NAV2: variants seen among roughly 807,000 people sequenced by gnomAD.
NAV2 encodes the protein neuron navigator 2.
In NAV2, 54 loss-of-function variants were observed where a neutral mutation model predicts 223.2. The observed-to-expected ratio is 0.24, with a 90% CI of 0.19 to 0.30. The LOEUF (loss-of-function observed/expected upper bound fraction) is 0.30, where lower values mean the gene tolerates loss of function less well. Ranked by LOEUF, NAV2 falls within the 10% of genes least tolerant of loss-of-function variation. The pLI is 1.00. For synonymous variants in NAV2, 1,279 were observed against 1,239.3 expected (o/e 1.03, Z -0.67); for missense variants, 2,806 against 3,147.5 (o/e 0.89, Z 2.60).
rs190919523 is a variant in NAV2, at chr11:19,527,189, A to G, written c.75+176162A>G. On this transcript the variant is annotated intron_variant, in intron 1 of 37. Coordinates refer to the NAV2 transcript ENST00000360655. ...CTGAATCATGAGGGCAGTTTCCCCC[A>G]TACTGTTCTCATGGTAATGAATAAG... 5.0e-4 allele frequency among the ~76,000 whole-genome samples: 76 copies of G among 152,192 alleles called. 1 individual carries two copies. The highest frequency in any genetic ancestry group is 9.2e-4 in the Admixed American group (14 of 15,300).
intron 1 of NAV2, among the ~76,000 whole-genome samples, chr11:19,508,830 T>A (rs1364426781): frequency 6.6e-6 from 1 of 152,180 alleles, no homozygotes; most frequent in African/African-American, 2.4e-5. Flanking sequence ...AAGTAAAACC[T>A]CCGAAATCTC....
chr11:19,463,863 T>G (rs2632041), intron 1 of NAV2, among the ~76,000 whole-genome samples: 1 of 151,268 alleles, frequency 6.6e-6, no homozygotes, highest in South Asian at 2.1e-4. Context: ...AGGGAAGGGC[T>G]GGGCTGGGGG....
At chr11:19,623,170 T>C (rs1431981160) in intron 1 of NAV2, among the ~76,000 whole-genome samples, 6 of 152,216 alleles carry the variant, frequency 3.9e-5, no homozygotes, top group African/African-American at 1.4e-4. Flanking sequence ...GTGGGCAATC[T>C]GACCTTTCTT....
intron 1 of NAV2, among the ~76,000 whole-genome samples, chr11:19,549,453 C>T (rs200273985): frequency 6.6e-6 from 1 of 152,178 alleles, no homozygotes; most frequent in East Asian, 1.9e-4. Context: ...CAAGTATCCT[C>T]AGGAGCTTGA....
intron 1 of NAV2, among the ~76,000 whole-genome samples, chr11:19,643,291 T>A (rs1470892633): frequency 6.6e-6 from 1 of 151,578 alleles, no homozygotes; most frequent in African/African-American, 2.4e-5. Context: ...ATTAGACATA[T>A]CTCCTAATGC....
intron 1 of NAV2, among the ~76,000 whole-genome samples, chr11:19,814,248 G>C (rs1012961365): frequency 2.0e-5 from 3 of 152,166 alleles, no homozygotes; most frequent in African/African-American, 7.2e-5. Context: ...GCCTCAGCAG[G>C]TGCAAAAGAG....
At chr11:19,657,011 C>T (rs1196836719) in intron 1 of NAV2, among the ~76,000 whole-genome samples, 2 of 152,094 alleles carry the variant, frequency 1.3e-5, no homozygotes, top group African/African-American at 4.8e-5. Context: ...AGTGGGAGAA[C>T]CAAGAGTTCT....
chr11:19,917,845 G>A (rs1004314478), intron 6 of NAV2, among the ~76,000 whole-genome samples: 4 of 152,220 alleles, frequency 2.6e-5, no homozygotes, highest in East Asian at 3.8e-4. Flanking sequence ...TCGAACTCCT[G>A]ACCTCAGGTG....
intron 8 of NAV2, among the ~76,000 whole-genome samples, chr11:19,942,572 T>C (rs536932132): frequency 1.3e-5 from 2 of 152,334 alleles, no homozygotes; most frequent in Admixed American, 6.5e-5. Flanking sequence ...AAGTCCATGC[T>C]TTTCCTACAA....
intron 11 of NAV2, among the ~76,000 whole-genome samples, chr11:19,988,223 G>A (rs1168236290): frequency 6.6e-6 from 1 of 152,224 alleles, no homozygotes; most frequent in Non-Finnish European, 1.5e-5. Flanking sequence ...GGCTGAGCCA[G>A]TTAGATGCTC....
intron 11 of NAV2, among the ~76,000 whole-genome samples, chr11:20,009,399 G>A (rs1378017192): frequency 2.0e-5 from 3 of 152,150 alleles, no homozygotes; most frequent in East Asian, 3.8e-4. Flanking sequence ...TGAACTCAAT[G>A]GTGTCTGAAC....
At chr11:19,417,702 G>A (rs1850433465) in intron 1 of NAV2, among the ~76,000 whole-genome samples, 1 of 152,134 alleles carries the variant, frequency 6.6e-6, no homozygotes, top group Non-Finnish European at 1.5e-5. Flanking sequence ...GCAAAGACTT[G>A]GAACCAACCC....
chr11:19,636,988 T>G (rs2047521025), intron 1 of NAV2, among the ~76,000 whole-genome samples: 1 of 152,242 alleles, frequency 6.6e-6, no homozygotes, highest in Non-Finnish European at 1.5e-5. Context: ...GATTCCAGCG[T>G]AGCTCAGCAG....
chr11:19,483,951 T>G (rs1448837539), intron 1 of NAV2, among the ~76,000 whole-genome samples: 1 of 152,080 alleles, frequency 6.6e-6, no homozygotes, highest in Non-Finnish European at 1.5e-5. Context: ...AAATTTTAAC[T>G]CAACGGGCCT....
intron 3 of NAV2, among the ~76,000 whole-genome samples, chr11:19,855,805 G>A (rs1344716413): frequency 6.6e-6 from 1 of 152,196 alleles, no homozygotes; most frequent in Non-Finnish European, 1.5e-5. Context: ...TTTGGATAGG[G>A]TGTTTCTTCC....
At chr11:19,908,529 C>T (rs1591184208) in intron 6 of NAV2, among the ~76,000 whole-genome samples, 1 of 152,224 alleles carries the variant, frequency 6.6e-6, no homozygotes, top group East Asian at 1.9e-4. Context: ...TGGAAATAGC[C>T]TACGCTCTGT....
chr11:19,666,845 G>T (rs1337595779), intron 1 of NAV2, among the ~76,000 whole-genome samples: 4 of 152,092 alleles, frequency 2.6e-5, no homozygotes, highest in African/African-American at 9.7e-5. Flanking sequence ...CAGGTGTTTA[G>T]GTATCAACCC....
At chr11:19,522,967 C>A (rs993151068) in intron 1 of NAV2, among the ~76,000 whole-genome samples, 1 of 152,180 alleles carries the variant, frequency 6.6e-6, no homozygotes, top group African/African-American at 2.4e-5. Flanking sequence ...ATCATATCAT[C>A]CACAGTTGAG....
intron 6 of NAV2, among the ~76,000 whole-genome samples, chr11:19,930,125 A>G (rs550090321): frequency 1.3e-5 from 2 of 152,268 alleles, no homozygotes; most frequent in South Asian, 4.2e-4. Flanking sequence ...TGCCCCTCCA[A>G]AATCATTCTA....
Sources: gnomAD v4.1 joint callset for allele counts (sites outside exome capture counted in the v4.1 genomes callset) on GRCh38, gnomAD v4.1.1 for gene constraint, MANE v1.5 for transcripts, NCBI Gene and HGNC (gene_info 2026-07-23, HGNC 2026-07-21) for gene names.